MGLL: variants seen among roughly 807,000 people sequenced by gnomAD.
MGLL encodes the protein lysophospholipase homolog.
In MGLL, 7 loss-of-function variants were observed where a neutral mutation model predicts 29.1. The observed-to-expected ratio is 0.24, with a 90% CI of 0.14 to 0.45. The LOEUF is 0.45. Ranked by LOEUF, MGLL falls within the 20% of genes least tolerant of loss-of-function variation. The probability of loss-of-function intolerance (pLI) is 0.99; values close to 1 mark genes in which losing one functional copy is unlikely to be tolerated. For missense variants in MGLL, 356 were observed against 413.6 expected (o/e 0.86, Z 1.21); for synonymous variants, 148 against 168.3 (o/e 0.88, Z 0.93).
intron 2 of MGLL, among the ~76,000 whole-genome samples, chr3:127,783,308 G>A (rs1042184284): frequency 3.3e-5 from 5 of 152,102 alleles, no homozygotes; most frequent in African/African-American, 9.7e-5. Flanking sequence ...ACGCTGCCTC[G>A]GCGGAGGCTC....
At chr3:127,692,626 A>C (rs1196314044) in intron 7 of MGLL, among the ~76,000 whole-genome samples, 1 of 152,118 alleles carries the variant, frequency 6.6e-6, no homozygotes, top group African/African-American at 2.4e-5. Context: ...CAACCTTCTC[A>C]AAAGAGGGGG....
intron 5 of MGLL, among the ~76,000 whole-genome samples, chr3:127,719,417 C>T (rs1316563305): frequency 2.6e-5 from 4 of 152,232 alleles, no homozygotes; most frequent in African/African-American, 7.2e-5. Context: ...ACAATCCTGG[C>T]CAGCCATTCA....
chr3:127,710,853 C>T, intron 5 of MGLL, 188 bp from the exon 6 acceptor site: 1 of 647,070 alleles, frequency 1.5e-6, no homozygotes, highest in South Asian at 1.6e-5. Flanking sequence ...AGCCTCTATT[C>T]AGCCTGGCTC....
chr3:127,715,180 A>G (rs933184546), intron 5 of MGLL, among the ~76,000 whole-genome samples: 3 of 152,194 alleles, frequency 2.0e-5, no homozygotes, highest in African/African-American at 7.2e-5. Context: ...CCCTGGCATC[A>G]GGGCCTTTTT....
intron 3 of MGLL, among the ~76,000 whole-genome samples, chr3:127,778,634 G>A (rs1053019549): frequency 2.6e-5 from 4 of 152,226 alleles, no homozygotes; most frequent in Admixed American, 1.3e-4. Context: ...AGGTTTGGAT[G>A]TTGGAGCCTT....
At chr3:127,710,774 A>G (rs2075696105) in intron 5 of MGLL, 109 bp from the exon 6 acceptor site, 1 of 1,027,432 alleles carries the variant, frequency 9.7e-7, no homozygotes, top group African/African-American at 1.6e-5. Flanking sequence ...CAAACTGAAC[A>G]TCAGCCAGGT....
intron 2 of MGLL, among the ~76,000 whole-genome samples, chr3:127,788,151 T>G (rs2077244612): frequency 6.6e-6 from 1 of 152,194 alleles, no homozygotes; most frequent in Non-Finnish European, 1.5e-5. Context: ...TTGAGAGGAC[T>G]GATTGAGAGA....
intron 3 of MGLL, among the ~76,000 whole-genome samples, chr3:127,768,177 A>T (rs773753953): frequency 6.6e-6 from 1 of 152,248 alleles, no homozygotes; most frequent in Non-Finnish European, 1.5e-5. Flanking sequence ...CCTTCCCGTA[A>T]AGAACACTCC....
chr3:127,695,670 G>A (rs775287384), intron 6 of MGLL, among the ~76,000 whole-genome samples: 2 of 152,134 alleles, frequency 1.3e-5, no homozygotes, highest in Non-Finnish European at 2.9e-5. Flanking sequence ...CTTGAACCTG[G>A]GAGGCGGACT....
intron 2 of MGLL, among the ~76,000 whole-genome samples, chr3:127,796,277 A>C (rs1251217442): frequency 6.6e-6 from 1 of 152,202 alleles, no homozygotes. Flanking sequence ...ACCACACTCT[A>C]GACAGCCACA....
intron 2 of MGLL, among the ~76,000 whole-genome samples, chr3:127,803,647 T>C (rs2077516695): frequency 6.6e-6 from 1 of 152,100 alleles, no homozygotes; most frequent in African/African-American, 2.4e-5. Flanking sequence ...CCCTGCACAT[T>C]TACTAGCTGG....
At chr3:127,738,273 C>A (rs559002704) in intron 3 of MGLL, among the ~76,000 whole-genome samples, 5 of 151,506 alleles carry the variant, frequency 3.3e-5, no homozygotes, top group African/African-American at 7.3e-5. Context: ...TGCACTCCAG[C>A]CTGGGTGACA....
chr3:127,818,540 C>T (rs566753968), intron 2 of MGLL, among the ~76,000 whole-genome samples: 7 of 152,180 alleles, frequency 4.6e-5, no homozygotes, highest in Admixed American at 1.3e-4. Flanking sequence ...TATGAGCAAA[C>T]GATTAGGGAG....
intron 2 of MGLL, 68 bp downstream of exon 2, chr3:127,821,626 A>C: frequency 6.3e-7 from 1 of 1,581,724 alleles, no homozygotes; most frequent in Non-Finnish European, 8.7e-7. Context: ...GGCACATGAT[A>C]ACGACCAGAG....
chr3:127,720,100 G>A (rs2075890052), intron 5 of MGLL, among the ~76,000 whole-genome samples: 1 of 152,150 alleles, frequency 6.6e-6, no homozygotes, highest in African/African-American at 2.4e-5. Context: ...GAGTGCGGTG[G>A]GGGAATAAGA....
chr3:127,761,446 A>G lies in MGLL; in HGVS notation c.262+20343T>C, dbSNP rs1002563133. 6.6e-6 allele frequency among the ~76,000 whole-genome samples: 1 copy of G among 152,100 alleles called. No individual in the cohort carries two copies. Among genetic ancestry groups the G allele is most frequent in the Admixed American group, 6.6e-5 (1 of 15,262 alleles). ...CCTCCTTCTCCAGCAAGCAGTACTA[A>G]CCTCCACAGCCAGGGTGGAAGCCAC... On this transcript the variant is annotated intron_variant, in intron 3 of 7. Transcript: ENST00000265052. This position sits in a 1 kb window ranked among gnomAD's most constrained non-coding sequence, Gnocchi z 4.6.
At chr3:127,793,872 G>C (rs1245864565) in intron 2 of MGLL, among the ~76,000 whole-genome samples, 1 of 152,190 alleles carries the variant, frequency 6.6e-6, no homozygotes, top group Non-Finnish European at 1.5e-5. Flanking sequence ...AAGTCTTCTT[G>C]AAGTGTGTTG....
At chr3:127,772,594 A>T (rs938558615) in intron 3 of MGLL, among the ~76,000 whole-genome samples, 2 of 152,226 alleles carry the variant, frequency 1.3e-5, no homozygotes, top group Non-Finnish European at 2.9e-5. Context: ...CAAGACTCCC[A>T]TGAGGCTAAA....
At chr3:127,723,417 G>T (rs1428617403) in intron 3 of MGLL, among the ~76,000 whole-genome samples, 1 of 152,140 alleles carries the variant, frequency 6.6e-6, no homozygotes, top group East Asian at 1.9e-4. Context: ...CACCTCTGGG[G>T]AGGCTGCTGC....
Sources: allele counts gnomAD v4.1 joint callset (sites outside exome capture counted in the v4.1 genomes callset), GRCh38; gene constraint gnomAD v4.1.1; non-coding constraint Gnocchi (gnomAD v3.1); transcripts MANE v1.5; gene names NCBI Gene and HGNC (gene_info 2026-07-23, HGNC 2026-07-21).